Variants in VWA8 observed in about 807,000 individuals in gnomAD.
The protein encoded by VWA8 is von Willebrand factor A domain containing 8.
Under a neutral mutation model 241.5 loss-of-function variants are expected in VWA8, and 221 were observed. The observed-to-expected ratio is 0.91, with a 90% CI of 0.82 to 1.02. The LOEUF is 1.02. Among genes scored for constraint, VWA8 ranks in the 50% least tolerant of loss-of-function variants. VWA8 has a pLI of 0.00. For missense variants in VWA8, 2,322 were observed against 2,328.7 expected (o/e 1.00, Z 0.06); for synonymous variants, 852 against 827.1 (o/e 1.03, Z -0.52).
chr13:41,774,344 T>C (rs1387336471), intron 20 of VWA8, among the ~76,000 whole-genome samples: 1 of 152,196 alleles, frequency 6.6e-6, no homozygotes, highest in Admixed American at 6.5e-5. Flanking sequence ...GGTTTTGCCA[T>C]GTTGGCCAGG....
At chr13:41,919,158 C>T (rs1318102166) in intron 2 of VWA8, among the ~76,000 whole-genome samples, 4 of 152,166 alleles carry the variant, frequency 2.6e-5, no homozygotes, top group African/African-American at 9.7e-5. Flanking sequence ...AGCACAGAAA[C>T]CCAGGATGGC....
chr13:41,832,244 T>TA (rs1362232568), intron 13 of VWA8, among the ~76,000 whole-genome samples: 1 of 152,180 alleles, frequency 6.6e-6, no homozygotes. Context: ...CAGTATTTTT[T>TA]AATTGCCACC....
At position 41,567,085 on chromosome 13, in the gene VWA8, T is replaced by C. The variant is rs998057141; in HGVS notation, c.*1112A>G. Reference sequence around the variant, plus strand: ...TTTTGCTATCAATCGTGAAGAGGAGTTTTTAAATTATATGGTTAAAGAGAG... The same window carrying C: ...TTTTGCTATCAATCGTGAAGAGGAGCTTTTAAATTATATGGTTAAAGAGAG... On this transcript the variant is annotated 3_prime_UTR_variant, in exon 45 of 45. Coordinates refer to ENST00000379310, the MANE Select transcript of VWA8 (RefSeq NM_015058.2). 2 of 151,910 alleles carry C rather than the reference T, an allele frequency of 1.3e-5. No homozygotes were observed. The highest frequency in any genetic ancestry group is 2.9e-5 in the Non-Finnish European group (2 of 67,992). 9.4% of individuals were successfully genotyped at this position (151,910 alleles called of 1,614,324 possible). A position where few individuals can be genotyped will look rare whatever the true frequency, so the allele number is the denominator to read the frequency against.
chr13:41,879,313 C>T (rs1566491652), intron 9 of VWA8, among the ~76,000 whole-genome samples: 1 of 151,718 alleles, frequency 6.6e-6, no homozygotes, highest in Admixed American at 6.6e-5. Context: ...CACCCTCCTC[C>T]TCTTTCTGCT....
intron 21 of VWA8, among the ~76,000 whole-genome samples, chr13:41,738,504 C>T (rs2045542804): frequency 1.3e-5 from 2 of 152,078 alleles, no homozygotes; most frequent in Non-Finnish European, 2.9e-5. Flanking sequence ...TATGTTAATA[C>T]TATTTAAAAA....
intron 12 of VWA8, among the ~76,000 whole-genome samples, chr13:41,858,245 T>C (rs1191474060): frequency 2.0e-5 from 3 of 152,298 alleles, no homozygotes; most frequent in Non-Finnish European, 4.4e-5. Flanking sequence ...GTCTGATAGG[T>C]TGGAATGTAT....
At chr13:41,781,468 C>T (rs567868527) in intron 19 of VWA8, among the ~76,000 whole-genome samples, 2 of 152,234 alleles carry the variant, frequency 1.3e-5, no homozygotes, top group South Asian at 4.1e-4. Context: ...CACATACTTC[C>T]ACCACACTGT....
intron 26 of VWA8, among the ~76,000 whole-genome samples, chr13:41,714,934 A>G (rs2045339126): frequency 6.6e-6 from 1 of 151,954 alleles, no homozygotes; most frequent in Admixed American, 6.6e-5. Context: ...GATAATTTTC[A>G]GTATCTAAAT....
chr13:41,783,703 C>A, intron 19 of VWA8, 92 bp downstream of exon 19: 1 of 843,760 alleles, frequency 1.2e-6, no homozygotes, highest in Non-Finnish European at 1.8e-6. Context: ...TTTAGGAAAT[C>A]ACAAAAATAA....
At chr13:41,619,512 T>A (rs1021513295) in intron 37 of VWA8, among the ~76,000 whole-genome samples, 5 of 152,190 alleles carry the variant, frequency 3.3e-5, no homozygotes, top group African/African-American at 1.2e-4. Flanking sequence ...CTATGTTGAA[T>A]AGGAGTGGTG....
chr13:41,699,332 G>T (rs1452598222), intron 28 of VWA8, 62 bp from the exon 29 acceptor site: 2 of 1,521,842 alleles, frequency 1.3e-6, no homozygotes, highest in East Asian at 2.3e-5. Flanking sequence ...TGGCCAAGAG[G>T]TCTAGTGAAA....
chr13:41,749,647 CAT>C (rs1215347672), intron 21 of VWA8, among the ~76,000 whole-genome samples: 1 of 152,080 alleles, frequency 6.6e-6, no homozygotes, highest in Admixed American at 6.6e-5. Context: ...AAATGTGGCA[CAT>C]ATACACCATG....
intron 35 of VWA8, among the ~76,000 whole-genome samples, chr13:41,682,700 C>T (rs542238536): frequency 6.6e-6 from 1 of 152,214 alleles, no homozygotes; most frequent in South Asian, 2.1e-4. Context: ...GAGCTGAAAT[C>T]GCATCACCAC....
At chr13:41,794,571 A>G (rs1463061675) in intron 17 of VWA8, among the ~76,000 whole-genome samples, 1 of 152,214 alleles carries the variant, frequency 6.6e-6, no homozygotes, top group Admixed American at 6.5e-5. Context: ...GGATCATGTC[A>G]TCTGTAAACA....
intron 1 of VWA8, among the ~76,000 whole-genome samples, chr13:41,954,121 C>T (rs1199957091): frequency 6.6e-6 from 1 of 152,138 alleles, no homozygotes; most frequent in Non-Finnish European, 1.5e-5. Flanking sequence ...TCTTCTGTTA[C>T]TACACTACAC....
chr13:41,881,128 C>T (rs2138070662), intron 9 of VWA8, among the ~76,000 whole-genome samples: 1 of 152,032 alleles, frequency 6.6e-6, no homozygotes, highest in South Asian at 2.1e-4. Context: ...AACCAATTAC[C>T]ATCATCATTT....
intron 4 of VWA8, among the ~76,000 whole-genome samples, chr13:41,897,282 G>A (rs989779684): frequency 1.3e-5 from 2 of 151,764 alleles, no homozygotes; most frequent in African/African-American, 2.4e-5. Context: ...AAAAGAAGAC[G>A]TACAGATGGC....
Position 41,894,762 on chromosome 13 carries a change from A to G in VWA8, c.484-3175T>C, listed in dbSNP as rs73185335. ...TAACCAAGTGATCAAAGTCAATGTG[A>G]CCAGTAATGAGCTATATCAATCTCA... On this transcript the variant is annotated intron_variant, in intron 4 of 44. Coordinates refer to ENST00000379310, the MANE Select transcript of VWA8 (RefSeq NM_015058.2). 8.7e-4 allele frequency among the ~76,000 whole-genome samples: 132 copies of G among 152,348 alleles called. 3 individuals are homozygous for G. The highest frequency in any genetic ancestry group is 7.4e-5 in the Non-Finnish European group (5 of 68,022).
At chr13:41,584,869 C>T (rs776862756) in intron 42 of VWA8, among the ~76,000 whole-genome samples, 1 of 152,074 alleles carries the variant, frequency 6.6e-6, no homozygotes, top group Non-Finnish European at 1.5e-5. Context: ...AGGGATGATA[C>T]CCACAGAGGC....
Sources: gnomAD v4.1 joint callset for allele counts (sites outside exome capture counted in the v4.1 genomes callset) on GRCh38, gnomAD v4.1.1 for gene constraint, MANE v1.5 for transcripts, NCBI Gene and HGNC (gene_info 2026-07-23, HGNC 2026-07-21) for gene names.